TRAPPC11: variants seen among roughly 807,000 people sequenced by gnomAD.
The protein encoded by TRAPPC11 is trafficking protein particle complex subunit 11.
Under a neutral mutation model 151.2 loss-of-function variants are expected in TRAPPC11, and 104 were observed. The observed-to-expected ratio is 0.69, with a 90% CI of 0.59 to 0.81. TRAPPC11 has a LOEUF of 0.81. Among genes scored for constraint, TRAPPC11 ranks in the 30% least tolerant of loss-of-function variants. TRAPPC11 has a pLI of 0.00. For missense variants in TRAPPC11, 1,230 were observed against 1,349.6 expected, an observed-to-expected ratio of 0.91 and a Z score of 1.39; for synonymous variants, 456 against 472.3, an observed-to-expected ratio of 0.97 and a Z score of 0.45.
chr4:183,664,646 T>A (rs368468736), intron 2 of TRAPPC11, among the ~76,000 whole-genome samples: 1 of 152,270 alleles, frequency 6.6e-6, no homozygotes, highest in East Asian at 1.9e-4. Flanking sequence ...AGATAATAAT[T>A]ATTATCATGA....
In TRAPPC11 at chr4:183,664,611, G is replaced by A. The variant is rs142411416; in HGVS notation, c.204+540G>A. Among the ~76,000 whole-genome samples the A allele has an allele frequency of 7.7e-4, 117 of 152,170 alleles. 2 individuals are homozygous for A. The highest frequency in any genetic ancestry group is 3.0e-3 in the Admixed American group (46 of 15,288). On this transcript the variant is annotated intron_variant, in intron 2 of 29. Coordinates refer to ENST00000334690, the MANE Select transcript of TRAPPC11 (RefSeq NM_021942.6). The stretch of plus-strand genomic sequence containing the variant: ...TTCAAAACTGACTTTTAAGGTGAAC[G>A]ACATAGTAAAGACGACTTTACCTTA...
intron 5 of TRAPPC11, among the ~76,000 whole-genome samples, chr4:183,674,455 G>C (rs1213368230): frequency 6.9e-6 from 1 of 145,536 alleles, no homozygotes; most frequent in Admixed American, 6.9e-5. Context: ...AGATTACCAA[G>C]TTTTTATGAA....
At chr4:183,670,967 T>A (rs1323276113) in intron 5 of TRAPPC11, among the ~76,000 whole-genome samples, 2 of 152,046 alleles carry the variant, frequency 1.3e-5, no homozygotes, top group Admixed American at 6.5e-5. Context: ...CCTGACCTCA[T>A]GATCCACCCG....
intron 2 of TRAPPC11, among the ~76,000 whole-genome samples, chr4:183,665,116 A>G (rs1289421979): frequency 2.0e-5 from 2 of 101,990 alleles, no homozygotes; most frequent in Non-Finnish European, 3.7e-5. Context: ...TTTTTTTGAG[A>G]CGGAGTCTCG....
At chr4:183,708,080 A>C (rs1424192438) in intron 28 of TRAPPC11, among the ~76,000 whole-genome samples, 1 of 152,238 alleles carries the variant, frequency 6.6e-6, no homozygotes, top group Non-Finnish European at 1.5e-5. Flanking sequence ...TGTGAACATA[A>C]AAGCTACCTG....
intron 5 of TRAPPC11, among the ~76,000 whole-genome samples, chr4:183,670,715 C>G (rs1483405382): frequency 6.6e-6 from 1 of 151,952 alleles, no homozygotes; most frequent in Non-Finnish European, 1.5e-5. Context: ...AATCGATTCT[C>G]CTCCCTCACC....
rs1734700830 is a variant in TRAPPC11, at chr4:183,663,930, T to C, written c.63T>C (p.Thr21=). The C allele has an allele frequency of 1.2e-6, 2 of 1,614,214 alleles. No homozygotes were observed. The highest frequency in any genetic ancestry group is 1.7e-6 in the Non-Finnish European group (2 of 1,180,048). The change falls in exon 2 of 30, where the codon ACT becomes ACC. Residue 21 remains threonine, a synonymous_variant. Transcript: ENST00000334690. ...GTTGCCGGCCTATGGCCTTTGTTAC[T>C]CTAACGGGCCTGGATGTAGTTTATA... ...ELCCRPMAFV[T]LTGLDVVYNA...
intron 2 of TRAPPC11, among the ~76,000 whole-genome samples, chr4:183,665,804 A>G (rs886578268): frequency 6.6e-6 from 1 of 152,242 alleles, no homozygotes; most frequent in Non-Finnish European, 1.5e-5. Flanking sequence ...AATGCATCAC[A>G]GCAATATGTC....
At chr4:183,690,167 G>T (rs971523113) in intron 18 of TRAPPC11, among the ~76,000 whole-genome samples, 1 of 151,944 alleles carries the variant, frequency 6.6e-6, no homozygotes. Context: ...TGCATTTCTA[G>T]TGGGCGATGG....
At chr4:183,708,309 G>T in intron 28 of TRAPPC11, 98 bp from the exon 29 acceptor site, 1 of 1,266,694 alleles carries the variant, frequency 7.9e-7, no homozygotes, top group East Asian at 2.4e-5. Context: ...AGAAGGATTT[G>T]GTTATCCAAT....
In TRAPPC11 at chr4:183,679,085, T is replaced by C. The variant is rs13115321; in HGVS notation, c.832-268T>C. 0.49 allele frequency among the ~76,000 whole-genome samples: 74,422 copies of C among 151,970 alleles called. 18,780 individuals carry two copies. Among genetic ancestry groups the C allele is most frequent in the African/African-American group, 0.61 (25,401 of 41,456 alleles). ...TTCATTGGGGATAATTTTTAAATTC[T>C]GTTCCATATTTTTTAAAAGCTTTTC... On this transcript the variant is annotated intron_variant, in intron 8 of 29. Coordinates refer to ENST00000334690, the MANE Select transcript of TRAPPC11 (RefSeq NM_021942.6).
chr4:183,682,869 G>A, intron 11 of TRAPPC11, 44 bp downstream of exon 11: 4 of 1,265,522 alleles, frequency 3.2e-6, no homozygotes. Flanking sequence ...ACCTCAAAAG[G>A]CAACAATAGC....
chr4:183,712,673 A>G lies in TRAPPC11; in HGVS notation c.*29A>G. 3 of 1,612,376 alleles carry G rather than the reference A, an allele frequency of 1.9e-6. No homozygotes were observed. The highest frequency in any genetic ancestry group is 2.2e-5 in the East Asian group (1 of 44,872). On this transcript the variant is annotated 3_prime_UTR_variant, in exon 30 of 30. Coordinates refer to ENST00000334690, the MANE Select transcript of TRAPPC11 (RefSeq NM_021942.6). ...TCAAGACCGGCCCTTGGCTGTTGTTACAGAGATGTTGGGCAGAGCTATGCA... is the reference window on the plus strand; with the variant it reads ...TCAAGACCGGCCCTTGGCTGTTGTTGCAGAGATGTTGGGCAGAGCTATGCA...
intron 17 of TRAPPC11, among the ~76,000 whole-genome samples, chr4:183,685,610 CT>C (rs1187356593): frequency 3.3e-5 from 5 of 151,996 alleles, no homozygotes; most frequent in Non-Finnish European, 4.4e-5. Context: ...TTAAAATACA[CT>C]TTGCTCATTT....
rs373944670 is a variant in TRAPPC11 at position 183,684,162 on chromosome 4, T to G, written c.1305T>G (p.Leu435=). ...TCTAATAGGAGATAATCATAACTCT[T>G]CTGAGCAATGCTGTTGCACAGTTCA... ...NVVHSEIIIT[L]LSNAVAQFKK... The change falls in exon 13 of 30, where the codon CTT becomes CTG. Residue 435 remains leucine, a synonymous_variant. Coordinates refer to ENST00000334690, the MANE Select transcript of TRAPPC11 (RefSeq NM_021942.6). The G allele has an allele frequency of 1.4e-5, 22 of 1,613,858 alleles. No homozygotes were observed. The highest frequency in any genetic ancestry group is 1.9e-5 in the Non-Finnish European group (22 of 1,179,882).
At chr4:183,678,322 G>A (rs1173602809) in intron 8 of TRAPPC11, among the ~76,000 whole-genome samples, 2 of 152,130 alleles carry the variant, frequency 1.3e-5, no homozygotes, top group African/African-American at 2.4e-5. Flanking sequence ...GTCAAGCAAC[G>A]GCTGTTTGGT....
At position 183,687,520 on chromosome 4, in the gene TRAPPC11, G is replaced by C. The variant is rs149931000; in HGVS notation, c.1893+772G>C. 1.5e-3 allele frequency among the ~76,000 whole-genome samples: 221 copies of C among 151,942 alleles called. 3 individuals are homozygous for C. In the East Asian group the frequency reaches 0.039, roughly 27 times the overall value. On this transcript the variant is annotated intron_variant, in intron 18 of 29. Transcript: ENST00000334690. The stretch of plus-strand genomic sequence containing the variant: ...ACTTTTGTATTTTTTGTAGAGACAG[G>C]GTTTTGCTGTGTTGCCCAAGCTGGT...
At chr4:183,705,295 G>T (rs999835872) in intron 27 of TRAPPC11, among the ~76,000 whole-genome samples, 2 of 152,094 alleles carry the variant, frequency 1.3e-5, no homozygotes, top group Non-Finnish European at 2.9e-5. Flanking sequence ...TCATATGCCT[G>T]TTTTAAAAAT....
At chr4:183,668,604 C>G (rs1225554186) in intron 5 of TRAPPC11, among the ~76,000 whole-genome samples, 1 of 152,174 alleles carries the variant, frequency 6.6e-6, no homozygotes, top group African/African-American at 2.4e-5. Flanking sequence ...CTCCATTCCA[C>G]TCTGGCCTGT....
Sources: gnomAD v4.1 joint callset for allele counts (sites outside exome capture counted in the v4.1 genomes callset) on GRCh38, gnomAD v4.1.1 for gene constraint, MANE v1.5 for transcripts, NCBI Gene and HGNC (gene_info 2026-07-23, HGNC 2026-07-21) for gene names.